The following THADA variants were observed in gnomAD, a reference collection of about 807,000 sequenced individuals.
THADA encodes tRNA (32-2'-O)-methyltransferase regulator THADA.
A neutral mutation model predicts 219.8 loss-of-function variants in THADA; 213 were observed. The observed-to-expected ratio is 0.97, with a 90% CI of 0.87 to 1.09. The LOEUF (loss-of-function observed/expected upper bound fraction) is 1.09. THADA is among the 50% of genes least tolerant of loss of function. The pLI is 0.00. For synonymous variants in THADA, 1,018 were observed against 828.9 expected (o/e 1.23, Z -3.92); for missense variants, 2,956 against 2,311.3 (o/e 1.28, Z -5.72).
intron 35 of THADA, among the ~76,000 whole-genome samples, chr2:43,286,035 G>C (rs1180525567): frequency 6.6e-6 from 1 of 152,108 alleles, no homozygotes; most frequent in Non-Finnish European, 1.5e-5. Context: ...TAAATCTTTT[G>C]AGCCTGTTCT....
intron 20 of THADA, among the ~76,000 whole-genome samples, chr2:43,541,907 T>C (rs1695373510): frequency 6.6e-6 from 1 of 152,212 alleles, no homozygotes; most frequent in African/African-American, 2.4e-5. Flanking sequence ...CTCTCTGTCA[T>C]AAAGTATGAT....
chr2:43,324,339 T>A (rs1272497718), intron 30 of THADA, among the ~76,000 whole-genome samples: 3 of 152,234 alleles, frequency 2.0e-5, no homozygotes, highest in Non-Finnish European at 2.9e-5. Context: ...CAGGAATCAC[T>A]GACTGCTCCC....
At chr2:43,410,600 A>G (rs1676161861) in intron 28 of THADA, among the ~76,000 whole-genome samples, 1 of 152,238 alleles carries the variant, frequency 6.6e-6, no homozygotes, top group African/African-American at 2.4e-5. Flanking sequence ...CTGAATCTCA[A>G]AATAATTATA....
chr2:43,316,843 C>A (rs1282916463), intron 31 of THADA, among the ~76,000 whole-genome samples: 1 of 152,198 alleles, frequency 6.6e-6, no homozygotes, highest in Non-Finnish European at 1.5e-5. Context: ...AGAAGAGTTG[C>A]TTGAACCCGG....
chr2:43,487,180 A>G (rs959724387), intron 25 of THADA, among the ~76,000 whole-genome samples: 9 of 152,206 alleles, frequency 5.9e-5, no homozygotes, highest in African/African-American at 2.2e-4. Context: ...GGTCTGGATT[A>G]TCTTCTACCT....
intron 29 of THADA, among the ~76,000 whole-genome samples, chr2:43,359,541 A>G (rs1669256381): frequency 6.6e-6 from 1 of 152,174 alleles, no homozygotes; most frequent in Non-Finnish European, 1.5e-5. Context: ...TTAGCCAGGC[A>G]TGCTGGCGGG....
At chr2:43,470,016 G>T (rs1158203878) in intron 26 of THADA, among the ~76,000 whole-genome samples, 1 of 152,006 alleles carries the variant, frequency 6.6e-6, no homozygotes, top group Non-Finnish European at 1.5e-5. Flanking sequence ...TTTGAGGCCA[G>T]CATGGGCAAC....
At chr2:43,453,851 T>A (rs926165495) in intron 26 of THADA, among the ~76,000 whole-genome samples, 6 of 152,242 alleles carry the variant, frequency 3.9e-5, no homozygotes, top group African/African-American at 1.4e-4. Flanking sequence ...TTCAACTATA[T>A]TTCTTATAGC....
At chr2:43,420,263 T>C (rs2104787540) in intron 28 of THADA, among the ~76,000 whole-genome samples, 1 of 152,368 alleles carries the variant, frequency 6.6e-6, no homozygotes, top group South Asian at 2.1e-4. Flanking sequence ...TATAATTAAG[T>C]GGTTAATATA....
chr2:43,380,312 C>T (rs1410526139), intron 29 of THADA, among the ~76,000 whole-genome samples: 2 of 152,096 alleles, frequency 1.3e-5, no homozygotes, highest in Non-Finnish European at 2.9e-5. Context: ...AATGTATATA[C>T]AGTATTCTAG....
intron 28 of THADA, among the ~76,000 whole-genome samples, chr2:43,416,416 G>A (rs1268431766): frequency 1.3e-5 from 2 of 152,158 alleles, no homozygotes; most frequent in East Asian, 3.8e-4. Context: ...ACAGTAGCCT[G>A]TAGATTTCAT....
intron 28 of THADA, among the ~76,000 whole-genome samples, chr2:43,420,117 C>T (rs1677509135): frequency 6.6e-6 from 1 of 152,152 alleles, no homozygotes; most frequent in Admixed American, 6.5e-5. Context: ...TGGGTGATTT[C>T]TAAAAGTCCC....
At chr2:43,489,782 T>C in intron 25 of THADA, among the ~76,000 whole-genome samples, 1 of 151,690 alleles carries the variant, frequency 6.6e-6, no homozygotes, top group South Asian at 2.1e-4. Context: ...AGTTTTGAAA[T>C]TGGGACCTGT....
chr2:43,515,898 C>T (rs1490493565), intron 22 of THADA, among the ~76,000 whole-genome samples: 1 of 152,068 alleles, frequency 6.6e-6, no homozygotes, highest in Non-Finnish European at 1.5e-5. Flanking sequence ...ACATGCCAAA[C>T]TTAACATGCC....
At chr2:43,586,515 A>G (rs1701042207) in intron 6 of THADA, 66 bp from the exon 7 acceptor site, 6 of 1,391,428 alleles carry the variant, frequency 4.3e-6, no homozygotes, top group Admixed American at 2.5e-5. Context: ...ATAAAATAAA[A>G]TATTTTATAT....
At chr2:43,464,960 A>G (rs777152746) in intron 26 of THADA, among the ~76,000 whole-genome samples, 28 of 152,178 alleles carry the variant, frequency 1.8e-4, no homozygotes, top group Non-Finnish European at 1.9e-4. Flanking sequence ...AACAGGGGGA[A>G]AAAACCCTGC....
At chr2:43,440,389 A>T (rs1263972506) in intron 26 of THADA, among the ~76,000 whole-genome samples, 1 of 152,226 alleles carries the variant, frequency 6.6e-6, no homozygotes, top group Non-Finnish European at 1.5e-5. Context: ...ACAAATGATT[A>T]TATGTACATT....
chr2:43,230,963 T>C lies in THADA; in HGVS notation c.5847A>G (p.Thr1949=). ...AESRQLTLPR[T]EAAC is the part of the protein sequence containing the mutation. ...CAGATTTTCTTCAACATGCCGCTTCTGTTCTTGGAAGAGTTAACTGCCTCG... is the reference window on the plus strand; with the variant it reads ...CAGATTTTCTTCAACATGCCGCTTCCGTTCTTGGAAGAGTTAACTGCCTCG... Residue 1949 remains threonine (T), a synonymous_variant, in exon 38 of 38, where the codon ACA becomes ACG. Transcript: ENST00000405975. 6.2e-7 allele frequency: 1 copy of C among 1,608,326 alleles called. No individual in the cohort carries two copies. Among genetic ancestry groups the C allele is most frequent in the Non-Finnish European group, 8.5e-7 (1 of 1,175,308 alleles).
At chr2:43,284,321 G>C (rs1673725608) in intron 35 of THADA, among the ~76,000 whole-genome samples, 1 of 152,218 alleles carries the variant, frequency 6.6e-6, no homozygotes, top group South Asian at 2.1e-4. Flanking sequence ...GCCAGGCCCA[G>C]GGCCCAGCTG....
Sources: gnomAD v4.1 joint callset for allele counts (sites outside exome capture counted in the v4.1 genomes callset) on GRCh38, gnomAD v4.1.1 for gene constraint, MANE v1.5 for transcripts, NCBI Gene and HGNC (gene_info 2026-07-23, HGNC 2026-07-21) for gene names.